The following MAST2 variants were observed in gnomAD, a reference collection of about 807,000 sequenced individuals.
MAST2 encodes microtubule associated serine/threonine kinase 2, also known as microtubule-associated serine/threonine-protein kinase 2.
In MAST2, 70 loss-of-function variants were observed where a neutral mutation model predicts 147.4. That is an observed-to-expected ratio of 0.47 (90% CI 0.39 to 0.58). The LOEUF (loss-of-function observed/expected upper bound fraction) is 0.58. MAST2 is among the 20% of genes least tolerant of loss of function. MAST2 has a pLI of 0.00. For synonymous variants in MAST2, 869 were observed against 896.8 expected, an observed-to-expected ratio of 0.97 and a Z score of 0.55; for missense variants, 2,080 against 2,302.3, an observed-to-expected ratio of 0.90 and a Z score of 1.98.
chr1:45,984,900 T>C (rs1371451312), intron 5 of MAST2, among the ~76,000 whole-genome samples: 1 of 152,138 alleles, frequency 6.6e-6, no homozygotes, highest in African/African-American at 2.4e-5. Flanking sequence ...AAATATGAGC[T>C]ATCTTCAATC....
chr1:45,924,280 G>T (rs148065403), intron 4 of MAST2, among the ~76,000 whole-genome samples: 2 of 152,184 alleles, frequency 1.3e-5, no homozygotes, highest in African/African-American at 4.8e-5. Context: ...GTCCAGAACA[G>T]AATCTGTGCT....
At chr1:45,924,295 GAA>G (rs1654006156) in intron 4 of MAST2, among the ~76,000 whole-genome samples, 1 of 152,188 alleles carries the variant, frequency 6.6e-6, no homozygotes, top group African/African-American at 2.4e-5. Flanking sequence ...TGTGCTTAGT[GAA>G]AACGGTGATG....
At chr1:46,012,127 T>C (rs192812679) in intron 10 of MAST2, among the ~76,000 whole-genome samples, 90 of 152,338 alleles carry the variant, frequency 5.9e-4, no homozygotes, top group African/African-American at 1.9e-3. Context: ...GGTAGCTGTT[T>C]GTTTCTGTTC....
At chr1:45,961,807 A>AC (rs1660460192) in intron 5 of MAST2, among the ~76,000 whole-genome samples, 1 of 152,074 alleles carries the variant, frequency 6.6e-6, no homozygotes, top group Non-Finnish European at 1.5e-5. Context: ...GTTCTAGGGT[A>AC]CATGTGCACA....
chr1:45,914,152 C>G (rs1339241470), intron 4 of MAST2, among the ~76,000 whole-genome samples: 1 of 152,064 alleles, frequency 6.6e-6, no homozygotes, highest in African/African-American at 2.4e-5. Context: ...ATTTTCTTCC[C>G]TTGAAAGCAA....
chr1:45,903,991 C>A (rs1176857315), intron 4 of MAST2, among the ~76,000 whole-genome samples: 1 of 152,118 alleles, frequency 6.6e-6, no homozygotes, highest in Non-Finnish European at 1.5e-5. Context: ...TTCCTATGTT[C>A]TTGCTTGCTT....
chr1:45,900,173 C>CTCAAAAAAAAAAAAA (rs1491525511), intron 4 of MAST2, among the ~76,000 whole-genome samples: 1 of 54,106 alleles, frequency 1.8e-5, no homozygotes, highest in African/African-American at 8.8e-5. Flanking sequence ...CTCTCTCTCT[C>CTCAAAAAAAAAAAAA]AAAAAAAAAA....
intron 5 of MAST2, among the ~76,000 whole-genome samples, chr1:45,968,877 G>GTT (rs35057147): frequency 1.3e-3 from 178 of 139,238 alleles, no homozygotes; most frequent in Middle Eastern, 3.6e-3. Context: ...TCTGGTGTTG[G>GTT]TTTTTTTTTT....
chr1:45,985,461 A>G (rs923389614), intron 5 of MAST2, among the ~76,000 whole-genome samples: 5 of 152,260 alleles, frequency 3.3e-5, no homozygotes, highest in Non-Finnish European at 7.3e-5. Flanking sequence ...TACATCTGTC[A>G]TCTCCTAAAG....
intron 3 of MAST2, among the ~76,000 whole-genome samples, chr1:45,831,905 A>C (rs1027357901): frequency 2.0e-5 from 3 of 150,790 alleles, no homozygotes; most frequent in Non-Finnish European, 4.4e-5. Context: ...TCAGCCTCCC[A>C]AGTAGCTGGG....
At chr1:45,900,165 C>A (rs541583215) in intron 4 of MAST2, among the ~76,000 whole-genome samples, 3 of 60,956 alleles carry the variant, frequency 4.9e-5, no homozygotes, top group Non-Finnish European at 8.6e-5. Context: ...GCGAGACTCT[C>A]TCTCTCTCAA....
At chr1:45,917,258 C>A in intron 4 of MAST2, 1 of 1,017,236 alleles carries the variant, frequency 9.8e-7, no homozygotes, top group Non-Finnish European at 1.3e-6. Context: ...TTTGCCTAAA[C>A]CAAGCCACTT....
At chr1:45,917,079 AAAAAAT>A (rs1356478777) in intron 4 of MAST2, among the ~76,000 whole-genome samples, 6 of 152,256 alleles carry the variant, frequency 3.9e-5, no homozygotes, top group East Asian at 3.8e-4. Context: ...ACTCTGTCTC[AAAAAAT>A]AAAAATAAAA....
rs368394271 is a variant in MAST2 at position 46,035,187 on chromosome 1, C to A, written c.4518C>A (p.Asp1506Glu). The A allele has an allele frequency of 6.2e-7, 1 of 1,613,838 alleles. No individual in the cohort carries two copies. The highest frequency in any genetic ancestry group is 1.7e-5 in the Admixed American group (1 of 60,010). The change falls in exon 29 of 29, where the codon GAC becomes GAA. Residue 1506 changes from aspartate to glutamate, a missense_variant. By Grantham distance (45) the Asp-to-Glu change is conservative. Transcript: ENST00000361297. The surrounding 1 kb of genome is among the most constrained non-coding windows in gnomAD (Gnocchi z 5.5). ...TTCGTGAGGTGGACTCCTCAGAGGA[C>A]GACACCGAGGAAGGGCCTGAGAACA... Reference protein sequence around the residue: ...EAIREVDSSEDDTEEGPENSQ... With the variant: ...EAIREVDSSEEDTEEGPENSQ...
intron 3 of MAST2, among the ~76,000 whole-genome samples, chr1:45,829,873 C>CT (rs1017926274): frequency 3.5e-4 from 50 of 141,006 alleles, no homozygotes; most frequent in East Asian, 8.2e-4. Flanking sequence ...TTTTTTTTTT[C>CT]TTTTTTTTTT....
At chr1:45,867,838 G>C (rs1053613408) in intron 3 of MAST2, among the ~76,000 whole-genome samples, 24 of 152,168 alleles carry the variant, frequency 1.6e-4, no homozygotes, top group Non-Finnish European at 2.9e-4. Context: ...TAAATGTTAG[G>C]TAAATGTATT....
At chr1:45,892,248 G>A (rs1647924756) in intron 4 of MAST2, among the ~76,000 whole-genome samples, 1 of 152,164 alleles carries the variant, frequency 6.6e-6, no homozygotes, top group Non-Finnish European at 1.5e-5. Flanking sequence ...AGGAGACTCA[G>A]TAAGACGTTC....
intron 4 of MAST2, among the ~76,000 whole-genome samples, chr1:45,955,067 G>A (rs1449637731): frequency 6.6e-6 from 1 of 152,178 alleles, no homozygotes; most frequent in Non-Finnish European, 1.5e-5. Context: ...CCTACTGTGT[G>A]CCAGGCAGCG....
chr1:45,984,756 C>T (rs989761297), intron 5 of MAST2, among the ~76,000 whole-genome samples: 6 of 152,052 alleles, frequency 3.9e-5, no homozygotes, highest in Non-Finnish European at 8.8e-5. Flanking sequence ...GGGAGGCCAA[C>T]GCGGGAGGAT....
Sources: allele counts gnomAD v4.1 joint callset (sites outside exome capture counted in the v4.1 genomes callset), GRCh38; gene constraint gnomAD v4.1.1; non-coding constraint Gnocchi (gnomAD v3.1); transcripts MANE v1.5; gene names NCBI Gene and HGNC (gene_info 2026-07-23, HGNC 2026-07-21).